SLC12A7: variants seen among roughly 807,000 people sequenced by gnomAD.
The protein encoded by SLC12A7 is solute carrier family 12 member 7.
Under a neutral mutation model 120.6 loss-of-function variants are expected in SLC12A7, and 100 were observed. The observed-to-expected ratio is 0.83, with a 90% CI of 0.71 to 0.98. SLC12A7 has a LOEUF of 0.98. SLC12A7 is among the 50% of genes least tolerant of loss of function. The pLI, the probability that SLC12A7 is intolerant of heterozygous loss-of-function variation, is 0.00. For synonymous variants in SLC12A7, 760 were observed against 678.0 expected (o/e 1.12, Z -1.88); for missense variants, 1,373 against 1,548.1 (o/e 0.89, Z 1.90).
intron 17 of SLC12A7, among the ~76,000 whole-genome samples, chr5:1,069,095 C>G (rs1308813221): frequency 6.6e-6 from 1 of 152,264 alleles, no homozygotes; most frequent in African/African-American, 2.4e-5. Context: ...CAGCTAACGC[C>G]TGAACCCGTG....
rs535765486 is a variant in SLC12A7 at position 1,057,620 on chromosome 5, C to T, written c.2877G>A (p.Ala959=). ...EAQLIHDRNT[A]SHTAAAARTQ... ...TCCTGGCTGCCGCCGCGGTGTGGGA[C>T]GCGGTGTTCCTGTCGTGGATCAGCT... The change falls in exon 22 of 24, where the codon GCG becomes GCA. Residue 959 remains alanine, a synonymous_variant. Coordinates refer to ENST00000264930, the MANE Select transcript of SLC12A7 (RefSeq NM_006598.3). The T allele has an allele frequency of 6.2e-6, 10 of 1,603,840 alleles. No individual in the cohort carries two copies. Among genetic ancestry groups the T allele is most frequent in the Middle Eastern group, 1.7e-4 (1 of 6,048 alleles).
chr5:1,138,065 C>T, the SLC12A7 span, among the ~76,000 whole-genome samples: 1 of 152,196 alleles, frequency 6.6e-6, no homozygotes. Flanking sequence ...GAGTTGGTTC[C>T]TTCCAGTGGG....
intron 3 of SLC12A7, 128 bp downstream of exon 3, chr5:1,093,405 G>A (rs1740738898): frequency 5.3e-6 from 5 of 935,954 alleles, no homozygotes; most frequent in African/African-American, 1.6e-5. Context: ...GGAAGAAAGG[G>A]CTGGACGTGG....
At chr5:1,133,542 T>C in the SLC12A7 span, among the ~76,000 whole-genome samples, 2 of 152,214 alleles carry the variant, frequency 1.3e-5, no homozygotes, top group African/African-American at 4.8e-5. Flanking sequence ...CACACAGTGC[T>C]GTCTGGGGTT....
intron 1 of SLC12A7, among the ~76,000 whole-genome samples, chr5:1,111,402 G>A (rs1430036023): frequency 1.3e-5 from 2 of 152,124 alleles, no homozygotes; most frequent in Non-Finnish European, 2.9e-5. Flanking sequence ...CTCCTCCAGG[G>A]TCAGGCGGGG....
At chr5:1,140,396 C>A in the SLC12A7 span, among the ~76,000 whole-genome samples, 3 of 152,234 alleles carry the variant, frequency 2.0e-5, no homozygotes, top group African/African-American at 7.2e-5. Flanking sequence ...CTGTTCCCCC[C>A]CACCGGGTCT....
the SLC12A7 span, among the ~76,000 whole-genome samples, chr5:1,136,054 T>C: frequency 1.5e-4 from 23 of 152,192 alleles, no homozygotes; most frequent in Admixed American, 3.9e-4. Context: ...TGATTCATGC[T>C]GAGATTCCCA....
intron 1 of SLC12A7, among the ~76,000 whole-genome samples, chr5:1,111,353 G>A (rs1025199860): frequency 1.4e-4 from 21 of 152,174 alleles, no homozygotes; most frequent in Admixed American, 6.5e-5. Context: ...CCCCAGCCAG[G>A]GCGCAGTCCT....
chr5:1,141,659 T>A, the SLC12A7 span, among the ~76,000 whole-genome samples: 578 of 152,284 alleles, frequency 3.8e-3, 3 homozygotes, highest in African/African-American at 0.012. Context: ...AAATTTTTTT[T>A]AAAAAATGAA....
chr5:1,140,616 C>T, the SLC12A7 span, among the ~76,000 whole-genome samples: 1 of 152,224 alleles, frequency 6.6e-6, no homozygotes, highest in Non-Finnish European at 1.5e-5. Context: ...TCCCGGAGTT[C>T]CCCGTGCTCA....
At chr5:1,138,091 G>T in the SLC12A7 span, among the ~76,000 whole-genome samples, 1 of 152,174 alleles carries the variant, frequency 6.6e-6, no homozygotes. Context: ...GGTTTATGCT[G>T]ACTTCAAGAA....
Position 1,085,331 on chromosome 5 carries a change from A to G in SLC12A7, c.818T>C (p.Val273Ala), listed in dbSNP as rs533151664. 2 of 1,612,454 alleles carry G rather than the reference A, an allele frequency of 1.2e-6. No homozygotes were observed. The highest frequency in any genetic ancestry group is 1.7e-5 in the Admixed American group (1 of 59,986). ...CAGGAAGACCAGCGCCAGCTTGTTG[A>G]CATACTTGACGCCCACGAAGACCAC... Reference protein sequence around the residue: ...ALVVFVGVKYVNKLALVFLAC... With the variant: ...ALVVFVGVKYANKLALVFLAC... The change falls in exon 7 of 24, where the codon GTC (valine) becomes GCC (alanine). Residue 273 changes from valine (V) to alanine (A), a missense_variant. Physicochemically the swap from Val to Ala is moderately conservative, Grantham distance 64 (BLOSUM62 0). Transcript: ENST00000264930.
chr5:1,131,669 T>G, the SLC12A7 span, among the ~76,000 whole-genome samples: 2 of 152,234 alleles, frequency 1.3e-5, no homozygotes, highest in African/African-American at 4.8e-5. Flanking sequence ...CTGGAACGGC[T>G]GCTGGGACTG....
At chr5:1,100,663 C>G (rs1017068172) in intron 1 of SLC12A7, among the ~76,000 whole-genome samples, 1 of 152,212 alleles carries the variant, frequency 6.6e-6, no homozygotes, top group African/African-American at 2.4e-5. Context: ...GCAGGGAGGG[C>G]GCCTGTCCTC....
chr5:1,076,028 G>A, intron 14 of SLC12A7, 110 bp downstream of exon 14: 1 of 895,420 alleles, frequency 1.1e-6, no homozygotes, highest in Non-Finnish European at 1.7e-6. Context: ...GGCACCCAGT[G>A]TCCCAGCCTG....
rs1561071762 is a variant in SLC12A7, at chr5:1,081,749, C to CG, written c.1130-6dup. ...CGTACGTACTCCACAGGTTCTCTGC[C>CG]GGGCAAGGAAGATCCCATGGGTTTC... On this transcript the variant is annotated splice_polypyrimidine_tract_variant and splice_region_variant and intron_variant, in intron 8 of 23. Transcript: ENST00000264930. 1 of 1,608,038 alleles carries CG rather than the reference C, an allele frequency of 6.2e-7. No individual in the cohort carries two copies. Among genetic ancestry groups the CG allele is most frequent in the Non-Finnish European group, 8.5e-7 (1 of 1,176,248 alleles).
chr5:1,142,391 C>T, the SLC12A7 span, among the ~76,000 whole-genome samples: 2 of 87,680 alleles, frequency 2.3e-5, no homozygotes, highest in African/African-American at 1.0e-4. Flanking sequence ...TCTCCCCTCT[C>T]CCTTCTCCCC....
At chr5:1,073,917 A>C in intron 16 of SLC12A7, 116 bp from the exon 17 acceptor site, 1 of 1,041,342 alleles carries the variant, frequency 9.6e-7, no homozygotes, top group Non-Finnish European at 1.3e-6. Context: ...CGGGAGATAC[A>C]TGACAGGCGG....
At chr5:1,101,777 C>T (rs989637189) in intron 1 of SLC12A7, among the ~76,000 whole-genome samples, 3 of 151,874 alleles carry the variant, frequency 2.0e-5, no homozygotes, top group South Asian at 4.2e-4. Flanking sequence ...ACCACTGCCC[C>T]GACCCCCCTC....
Sources: gnomAD v4.1 joint callset for allele counts (sites outside exome capture counted in the v4.1 genomes callset) on GRCh38, gnomAD v4.1.1 for gene constraint, MANE v1.5 for transcripts, NCBI Gene and HGNC (gene_info 2026-07-23, HGNC 2026-07-21) for gene names.